The following DHRSX variants were observed in gnomAD, a reference collection of about 807,000 sequenced individuals.
DHRSX encodes the protein dehydrogenase/reductase X-linked.
In DHRSX, 31 loss-of-function variants were observed where a neutral mutation model predicts 34.0. That is an observed-to-expected ratio of 0.91 (90% CI 0.69 to 1.23). DHRSX has a LOEUF of 1.23. Among genes scored for constraint, DHRSX ranks in the 50% most tolerant of loss-of-function variants. The probability of loss-of-function intolerance (pLI) is 0.00; values close to 1 mark genes in which losing one functional copy is unlikely to be tolerated. For missense variants in DHRSX, 414 were observed against 428.1 expected (o/e 0.97, Z 0.29); for synonymous variants, 201 against 183.8 (o/e 1.09, Z -0.76).
chrX:2,302,469 G>T (rs908135537), intron 3 of DHRSX, among the ~76,000 whole-genome samples: 2 of 152,004 alleles, frequency 1.3e-5, no homozygotes, highest in African/African-American at 4.8e-5. Flanking sequence ...AAAACTAGCC[G>T]GGCATGGGGT....
At chrX:2,317,753 G>A (rs183630676) in intron 3 of DHRSX, among the ~76,000 whole-genome samples, 62 of 152,214 alleles carry the variant, frequency 4.1e-4, no homozygotes, top group African/African-American at 1.3e-3. Flanking sequence ...TCAATCACGC[G>A]TTCATTTCAT....
chrX:2,262,472 T>A (rs2041376923), intron 5 of DHRSX, among the ~76,000 whole-genome samples: 1 of 151,776 alleles, frequency 6.6e-6, no homozygotes, highest in Non-Finnish European at 1.5e-5. Flanking sequence ...CACAAAGACC[T>A]CATCTGTGCC....
intron 3 of DHRSX, among the ~76,000 whole-genome samples, chrX:2,392,827 ATAATT>A (rs1360310140): frequency 1.4e-5 from 2 of 141,268 alleles, no homozygotes; most frequent in Admixed American, 7.3e-5. Flanking sequence ...TGACACAAAT[ATAATT>A]TATAGTTATC....
chrX:2,245,716 G>T lies in DHRSX; in HGVS notation c.597-2486C>A, dbSNP rs774749552. On this transcript the variant is annotated intron_variant, in intron 5 of 6. Coordinates refer to ENST00000334651, the MANE Select transcript of DHRSX (RefSeq NM_145177.3). ...CTCATGCCTGTAATCTCAGCACTTT[G>T]GGAGGCCAAGGCGGGCGGATCACAA... Among the ~76,000 whole-genome samples the T allele has an allele frequency of 2.0e-3, 289 of 147,164 alleles. 1 individual carries two copies. The highest frequency in any genetic ancestry group is 7.0e-3 in the African/African-American group (279 of 40,092).
At chrX:2,372,631 G>C (rs981691802) in intron 3 of DHRSX, among the ~76,000 whole-genome samples, 1 of 150,036 alleles carries the variant, frequency 6.7e-6, no homozygotes, top group Admixed American at 6.7e-5. Context: ...TTTTTGAGAC[G>C]GAGTTTTCCT....
chrX:2,252,239 AAAAT>A (rs200435903), intron 5 of DHRSX, among the ~76,000 whole-genome samples: 19,820 of 152,006 alleles, frequency 0.13, 1,794 homozygotes, highest in Non-Finnish European at 0.19. Flanking sequence ...CTCTGTCTCA[AAAAT>A]AAATAAATAA....
chrX:2,291,102 T>G (rs2041859874), intron 4 of DHRSX, among the ~76,000 whole-genome samples: 1 of 152,128 alleles, frequency 6.6e-6, no homozygotes. Flanking sequence ...TGGGTGAGAA[T>G]GTTGAACAGG....
Position 2,226,691 on chromosome X carries a change from C to T in DHRSX, c.805-5462G>A, listed in dbSNP as rs1017611452. The stretch of plus-strand genomic sequence containing the variant: ...TGGCGAGCGCCTGTAGTCCCAGCTA[C>T]TCGGGAGGCAGGAGAATGGCGTGAA... On this transcript the variant is annotated intron_variant, in intron 6 of 6. Transcript: ENST00000334651. Among the ~76,000 whole-genome samples, 30 of 46,568 alleles carry T rather than the reference C, an allele frequency of 6.4e-4. No individual in the cohort carries two copies. In the East Asian group the frequency reaches 0.054, roughly 83 times the overall value. The allele number at this position is 46,568 out of a possible 152,430, so 30.6% of individuals were successfully genotyped here. A position where few individuals can be genotyped will look rare whatever the true frequency, so the allele number is the denominator to read the frequency against.
intron 1 of DHRSX, among the ~76,000 whole-genome samples, chrX:2,439,678 G>C (rs932607246): frequency 5.9e-5 from 9 of 152,132 alleles, no homozygotes; most frequent in East Asian, 3.9e-4. Flanking sequence ...CGGGTGATGA[G>C]AGCCAGTGAC....
intron 3 of DHRSX, among the ~76,000 whole-genome samples, chrX:2,299,921 A>G (rs1216944349): frequency 6.6e-6 from 1 of 152,142 alleles, no homozygotes; most frequent in Non-Finnish European, 1.5e-5. Flanking sequence ...TCCTGAGGGC[A>G]AGTCAGAAAT....
chrX:2,403,417 G>A (rs1238891400), intron 3 of DHRSX, among the ~76,000 whole-genome samples: 4 of 152,092 alleles, frequency 2.6e-5, no homozygotes, highest in African/African-American at 7.2e-5. Context: ...AAAGGCCATC[G>A]GTATTTATAT....
chrX:2,340,352 A>G (rs2042624908), intron 3 of DHRSX, among the ~76,000 whole-genome samples: 1 of 152,054 alleles, frequency 6.6e-6, no homozygotes, highest in Non-Finnish European at 1.5e-5. Flanking sequence ...TAAAAAAAGT[A>G]ATAGTCTCCA....
intron 5 of DHRSX, among the ~76,000 whole-genome samples, chrX:2,264,480 T>C (rs2041412698): frequency 6.6e-6 from 1 of 151,302 alleles, no homozygotes; most frequent in South Asian, 2.1e-4. Context: ...GAGAGCACCG[T>C]GCCCAGAGCA....
chrX:2,272,387 G>A (rs2041569429), intron 4 of DHRSX, among the ~76,000 whole-genome samples: 2 of 152,134 alleles, frequency 1.3e-5, no homozygotes, highest in African/African-American at 4.8e-5. Flanking sequence ...GGCAGCTTCA[G>A]GGGGCTCTAA....
chrX:2,432,797 T>A (rs1197663612), intron 1 of DHRSX, among the ~76,000 whole-genome samples: 1 of 152,132 alleles, frequency 6.6e-6, no homozygotes, highest in African/African-American at 2.4e-5. Context: ...TTCAGAAAGA[T>A]GGTTAGATAG....
intron 6 of DHRSX, among the ~76,000 whole-genome samples, chrX:2,237,606 G>A (rs1336975859): frequency 6.6e-6 from 1 of 151,740 alleles, no homozygotes; most frequent in African/African-American, 2.4e-5. Flanking sequence ...CCGGGTTCAA[G>A]CGATTCTCCT....
At chrX:2,490,076 G>A in intron 1 of DHRSX, 1 of 1,613,754 alleles carries the variant, frequency 6.2e-7, no homozygotes. Flanking sequence ...CAGGAAGTGG[G>A]CGGCCAGCGT....
chrX:2,350,115 G>T (rs2042771860), intron 3 of DHRSX, among the ~76,000 whole-genome samples: 1 of 152,162 alleles, frequency 6.6e-6, no homozygotes, highest in East Asian at 1.9e-4. Flanking sequence ...GGAGGCTGAG[G>T]CAGGCAGATC....
Position 2,440,673 on chromosome X carries a change from C to T in DHRSX, c.110-15369G>A, listed in dbSNP as rs2044051709. Among the ~76,000 whole-genome samples, 4 of 151,908 alleles carry T rather than the reference C, an allele frequency of 2.6e-5. No individual in the cohort carries two copies. In the South Asian group the frequency reaches 6.3e-4, roughly 24 times the overall value. On this transcript the variant is annotated intron_variant, in intron 1 of 6. Transcript: ENST00000334651. ...ACCCCAGGGTCTTTGGGTTTTGGAC[C>T]GTTGGACCTACACCAGTGATTTGCC...
Sources: gnomAD v4.1 joint callset for allele counts (sites outside exome capture counted in the v4.1 genomes callset) on GRCh38, gnomAD v4.1.1 for gene constraint, MANE v1.5 for transcripts, NCBI Gene and HGNC (gene_info 2026-07-23, HGNC 2026-07-21) for gene names.